Variants in PRKCD observed in about 807,000 individuals in gnomAD.
The protein encoded by PRKCD is protein kinase C delta.
In PRKCD, 20 loss-of-function variants were observed where a neutral mutation model predicts 82.2. The ratio of observed to expected loss-of-function variants is 0.24; its 90% CI spans 0.17 to 0.35. The LOEUF is 0.35. Ranked by LOEUF, PRKCD falls within the 10% of genes least tolerant of loss-of-function variation. The pLI, the probability that PRKCD is intolerant of heterozygous loss-of-function variation, is 1.00. For synonymous variants in PRKCD, 317 were observed against 337.0 expected (o/e 0.94, Z 0.65); for missense variants, 607 against 899.0 (o/e 0.68, Z 4.15).
chr3:53,185,015 G>C, intron 10 of PRKCD, 41 bp downstream of exon 10: 1 of 1,565,262 alleles, frequency 6.4e-7, no homozygotes, highest in Middle Eastern at 1.7e-4. Flanking sequence ...AGGGCAGTGG[G>C]GTCAGGGACA....
chr3:53,188,711 T>C lies in PRKCD; in HGVS notation c.1416-9T>C, dbSNP rs1403674198. Reference sequence around the variant, plus strand: ...CCCCTGCTGACTCTTACCTGTCCCCTGTCCTTAGGGACCTCAAACTGGACA... The same window carrying C: ...CCCCTGCTGACTCTTACCTGTCCCCCGTCCTTAGGGACCTCAAACTGGACA... On this transcript the variant is annotated splice_polypyrimidine_tract_variant and intron_variant, in intron 15 of 18. Transcript: ENST00000330452. The C allele has an allele frequency of 2.5e-6, 4 of 1,614,184 alleles. No homozygotes were observed. The highest frequency in any genetic ancestry group is 3.4e-6 in the Non-Finnish European group (4 of 1,179,998).
At chr3:53,185,827 T>C (rs781801433) in intron 11 of PRKCD, 100 bp from the exon 12 acceptor site, 2 of 1,523,328 alleles carry the variant, frequency 1.3e-6, no homozygotes, top group Non-Finnish European at 1.8e-6. Context: ...GCGAGCCCCT[T>C]CCTCTCTGAG....
chr3:53,179,436 G>A lies in PRKCD; in HGVS notation c.116-141G>A, dbSNP rs782309398. ...AGCAGGGTGCCCAAGGTAGTTCTGT[G>A]CTCTAGAGGACACTGGGGAACCACA... On this transcript the variant is annotated intron_variant, in intron 3 of 18. Transcript: ENST00000330452. The A allele has an allele frequency of 4.6e-6, 5 of 1,083,486 alleles. No individual in the cohort carries two copies. In the South Asian group the frequency reaches 6.3e-5, roughly 14 times the overall value. 67.1% of individuals were successfully genotyped at this position (1,083,486 alleles called of 1,614,324 possible).
rs557772373 is a variant in PRKCD at position 53,188,187 on chromosome 3, C to CAAAAAAAAA, written c.1416-514_1416-506dup. ...TGTGTGACAGAATGAGACTGTGTCT[C>CAAAAAAAAA]AAAAAAAAAAAAAAAAAAAAAAAAA... is the stretch of plus-strand genomic sequence containing the variant. On this transcript the variant is annotated intron_variant, in intron 15 of 18. Transcript: ENST00000330452. Among the ~76,000 whole-genome samples, 208 of 45,564 alleles carry CAAAAAAAAA rather than the reference C, an allele frequency of 4.6e-3. 52 individuals are homozygous for CAAAAAAAAA. The highest frequency in any genetic ancestry group is 6.8e-3 in the South Asian group (4 of 588). The allele number at this position is 45,564 out of a possible 152,430, so 29.9% of individuals were successfully genotyped here. A position where few individuals can be genotyped will look rare whatever the true frequency, so the allele number is the denominator to read the frequency against.
At chr3:53,168,821 G>A (rs1272711170) in intron 2 of PRKCD, among the ~76,000 whole-genome samples, 1 of 135,598 alleles carries the variant, frequency 7.4e-6, no homozygotes, top group Non-Finnish European at 1.6e-5. Context: ...GGTCAGGGAG[G>A]TAACGGTGAT....
At chr3:53,188,474 T>C (rs1703796840) in intron 15 of PRKCD, among the ~76,000 whole-genome samples, 1 of 152,208 alleles carries the variant, frequency 6.6e-6, no homozygotes. Context: ...CATCACCTGT[T>C]TGAGCCCCAT....
In PRKCD at chr3:53,189,480, C is replaced by T. The variant is rs186910580; in HGVS notation, c.1743+234C>T. Among the ~76,000 whole-genome samples, 13 of 152,304 alleles carry T rather than the reference C, an allele frequency of 8.5e-5. No individual in the cohort carries two copies. The East Asian group carries it at 1.9e-3, about 23-fold the overall frequency. On this transcript the variant is annotated intron_variant, in intron 17 of 18. Coordinates refer to ENST00000330452, the MANE Select transcript of PRKCD (RefSeq NM_006254.4). ...AGGGCCCAGGGTCAGGAGACAGACC[C>T]GAGGCCAAATGCTGGCTCTGCCTGG...
At position 53,189,940 on chromosome 3, in the gene PRKCD, A is replaced by G. The variant is rs782452542; in HGVS notation, c.1811A>G (p.Lys604Arg). ...AACATCAAAATCCACCCCTTCTTCAAGACCATAAACTGGACTCTGCTGGAA... is the reference window on the plus strand; with the variant it reads ...AACATCAAAATCCACCCCTTCTTCAGGACCATAAACTGGACTCTGCTGGAA... ...TGNIKIHPFF[K>R]TINWTLLEKR... Residue 604 changes from lysine to arginine, a missense_variant, in exon 18 of 19, where the codon AAG becomes AGG. By Grantham distance (26) the Lys-to-Arg change is conservative. This residue lies in a region of PRKCD where 251 missense variants were observed against 423.9 expected (regional missense o/e 0.59). Coordinates refer to ENST00000330452, the MANE Select transcript of PRKCD (RefSeq NM_006254.4). The G allele has an allele frequency of 1.2e-6, 2 of 1,614,202 alleles. No individual in the cohort carries two copies. Among genetic ancestry groups the G allele is most frequent in the Non-Finnish European group, 1.7e-6 (2 of 1,180,036 alleles).
At position 53,189,854 on chromosome 3, in the gene PRKCD, G is replaced by A. The variant is rs1158712553; in HGVS notation, c.1744-19G>A. On this transcript the variant is annotated intron_variant, in intron 17 of 18. Coordinates refer to ENST00000330452, the MANE Select transcript of PRKCD (RefSeq NM_006254.4). ...CCCATGGCCCTTGGGTGCTAACCAG[G>A]GTCCCTGCTGGGTTGCAGCTCTTTG... The A allele has an allele frequency of 5.0e-6, 8 of 1,613,898 alleles. No individual in the cohort carries two copies. The highest frequency in any genetic ancestry group is 6.8e-6 in the Non-Finnish European group (8 of 1,179,958).
At chr3:53,179,511 G>C in intron 3 of PRKCD, 66 bp from the exon 4 acceptor site, 1 of 1,596,798 alleles carries the variant, frequency 6.3e-7, no homozygotes, top group Non-Finnish European at 8.6e-7. Flanking sequence ...GGGGAAGGCC[G>C]TGGAGGTCTA....
chr3:53,175,020 C>T (rs939076668), intron 2 of PRKCD, among the ~76,000 whole-genome samples: 1 of 152,238 alleles, frequency 6.6e-6, no homozygotes, highest in African/African-American at 2.4e-5. Flanking sequence ...CTGTCTCCTC[C>T]ACCCTCCATG....
In PRKCD at chr3:53,170,558, C is replaced by T. The variant is rs1702986520; in HGVS notation, c.-20+5343C>T. On this transcript the variant is annotated intron_variant, in intron 2 of 18. Transcript: ENST00000330452. ...AGGCCTGCCCAGTGATGTGCCTGACCAGCCCACTCCTTCCCTTACACACTT... is the reference window on the plus strand; with the variant it reads ...AGGCCTGCCCAGTGATGTGCCTGACTAGCCCACTCCTTCCCTTACACACTT... Among the ~76,000 whole-genome samples, 3 of 152,372 alleles carry T rather than the reference C, an allele frequency of 2.0e-5. No individual in the cohort carries two copies. The East Asian group carries it at 5.8e-4, about 29-fold the overall frequency.
At chr3:53,178,347 G>A (rs1340302040) in intron 2 of PRKCD, 57 bp from the exon 3 acceptor site, 26 of 1,214,372 alleles carry the variant, frequency 2.1e-5, no homozygotes, top group African/African-American at 9.0e-5. Context: ...AGTGCTGCCC[G>A]TGACTGTTCC....
At chr3:53,174,552 T>A (rs1353925225) in intron 2 of PRKCD, among the ~76,000 whole-genome samples, 2 of 152,178 alleles carry the variant, frequency 1.3e-5, no homozygotes, top group Non-Finnish European at 2.9e-5. Flanking sequence ...CACCCCCATC[T>A]CCCTGCCATA....
At chr3:53,166,885 G>T (rs528681357) in intron 2 of PRKCD, among the ~76,000 whole-genome samples, 7 of 152,266 alleles carry the variant, frequency 4.6e-5, no homozygotes. Flanking sequence ...CATGAATGCG[G>T]GGGAGAGGCT....
intron 7 of PRKCD, 196 bp downstream of exon 7, chr3:53,181,928 C>A (rs1305482920): frequency 2.5e-6 from 2 of 790,058 alleles, no homozygotes; most frequent in African/African-American, 3.4e-5. Flanking sequence ...TTCTGCGCAT[C>A]TCTTCCCAGC....
Position 53,192,300 on chromosome 3 carries a change from C to T in PRKCD, c.*34C>T. The T allele has an allele frequency of 6.2e-7, 1 of 1,608,274 alleles. No individual in the cohort carries two copies. The stretch of plus-strand genomic sequence containing the variant: ...GACAGATCAGGCTAGCCCTGCCCTC[C>T]ACCCACACCTGCCCGCTCCCCACGA... On this transcript the variant is annotated 3_prime_UTR_variant, in exon 19 of 19. Coordinates refer to ENST00000330452, the MANE Select transcript of PRKCD (RefSeq NM_006254.4).
intron 1 of PRKCD, among the ~76,000 whole-genome samples, chr3:53,162,345 G>A (rs9311490): frequency 0.98 from 149,140 of 152,030 alleles, 73,206 homozygotes; most frequent in East Asian, 1. Context: ...CACTTCCCCA[G>A]TTCCCTCTCT....
intron 1 of PRKCD, 153 bp downstream of exon 1, chr3:53,161,581 TC>T (rs1702661140): frequency 6.6e-6 from 1 of 151,110 alleles, no homozygotes; most frequent in African/African-American, 2.4e-5. Flanking sequence ...TGCCGGTGAC[TC>T]CGTCCCCCTG....
Sources: gnomAD v4.1 joint callset for allele counts (sites outside exome capture counted in the v4.1 genomes callset) on GRCh38, gnomAD v4.1.1 for gene constraint, gnomAD v4.1.1 regional missense constraint, MANE v1.5 for transcripts, NCBI Gene and HGNC (gene_info 2026-07-23, HGNC 2026-07-21) for gene names.